The following GRIN2B variants were observed in gnomAD, a reference collection of about 807,000 sequenced individuals.
GRIN2B encodes the protein glutamate ionotropic receptor NMDA type subunit 2B.
A neutral mutation model predicts 114.5 loss-of-function variants in GRIN2B; 5 were observed. The ratio of observed to expected loss-of-function variants is 0.04; its 90% CI spans 0.02 to 0.09. The LOEUF is 0.09. Ranked by LOEUF, GRIN2B falls within the 10% of genes least tolerant of loss-of-function variation. The pLI is 1.00. For missense variants in GRIN2B, 1,108 were observed against 1,943.5 expected (o/e 0.57, Z 8.08); for synonymous variants, 787 against 745.1 (o/e 1.06, Z -0.92).
At position 13,560,139 on chromosome 12, in the gene GRIN2B, C is replaced by T. The variant is rs1032869233; in HGVS notation, c.*2644G>A. 1.3e-5 allele frequency: 2 copies of T among 152,124 alleles called. No homozygotes were observed. The highest frequency in any genetic ancestry group is 6.6e-5 in the Admixed American group (1 of 15,266). 9.4% of individuals were successfully genotyped at this position (152,124 alleles called of 1,614,324 possible). A position where few individuals can be genotyped will look rare whatever the true frequency, so the allele number is the denominator to read the frequency against. ...AAGTGCATGAACATTTCTCACAAAC[C>T]AGTAAGAAGACTGGTTTTCTGGGGG... On this transcript the variant is annotated 3_prime_UTR_variant, in exon 14 of 14. Coordinates refer to ENST00000609686, the MANE Select transcript of GRIN2B (RefSeq NM_000834.5).
At chr12:13,812,930 A>AT (rs34773248) in intron 3 of GRIN2B, among the ~76,000 whole-genome samples, 29,011 of 118,204 alleles carry the variant, frequency 0.25, 3,945 homozygotes, top group Non-Finnish European at 0.27. Context: ...AGTTTTGGGA[A>AT]TTTTTTTTTT....
intron 5 of GRIN2B, among the ~76,000 whole-genome samples, chr12:13,653,333 C>T (rs1210560646): frequency 6.6e-6 from 1 of 151,914 alleles, no homozygotes; most frequent in African/African-American, 2.4e-5. Context: ...AAAGTTAAGG[C>T]TTAAAAGAAG....
chr12:13,790,083 C>T (rs554210399), intron 3 of GRIN2B, among the ~76,000 whole-genome samples: 112 of 152,306 alleles, frequency 7.4e-4, no homozygotes, highest in Non-Finnish European at 1.8e-4. Flanking sequence ...TTCTGATCTC[C>T]CATGGAACTG....
intron 2 of GRIN2B, among the ~76,000 whole-genome samples, chr12:13,896,217 G>A (rs990676757): frequency 2.0e-5 from 3 of 152,156 alleles, no homozygotes; most frequent in African/African-American, 4.8e-5. Context: ...GAGAACAGCA[G>A]GATCACACCA....
chr12:13,674,069 C>T (rs1341076233), intron 5 of GRIN2B, among the ~76,000 whole-genome samples: 1 of 152,052 alleles, frequency 6.6e-6, no homozygotes, highest in African/African-American at 2.4e-5. Flanking sequence ...TAATCAAGAA[C>T]ATCAGGCAGG....
intron 2 of GRIN2B, among the ~76,000 whole-genome samples, chr12:13,973,441 G>A (rs1229573876): frequency 6.6e-6 from 1 of 152,178 alleles, no homozygotes; most frequent in Admixed American, 6.5e-5. Context: ...TCTTAATCTA[G>A]GAAGCTCCTC....
intron 2 of GRIN2B, among the ~76,000 whole-genome samples, chr12:13,890,755 GC>G (rs1159745678): frequency 1.3e-5 from 2 of 152,044 alleles, no homozygotes; most frequent in East Asian, 3.8e-4. Flanking sequence ...ACATGGAAGG[GC>G]CCATGAAATT....
intron 4 of GRIN2B, among the ~76,000 whole-genome samples, chr12:13,737,202 TATA>T (rs2136611643): frequency 6.6e-6 from 1 of 152,072 alleles, no homozygotes; most frequent in East Asian, 1.9e-4. Flanking sequence ...AGAAAGCTCA[TATA>T]ATATCTTTTT....
At chr12:13,910,473 G>T (rs143450023) in intron 2 of GRIN2B, among the ~76,000 whole-genome samples, 162 of 152,294 alleles carry the variant, frequency 1.1e-3, no homozygotes, top group Non-Finnish European at 1.8e-3. Flanking sequence ...TGGTTTCAAA[G>T]AAGGTGCAGC....
chr12:13,723,357 C>T (rs2136595486), intron 4 of GRIN2B, among the ~76,000 whole-genome samples: 1 of 151,734 alleles, frequency 6.6e-6, no homozygotes, highest in East Asian at 2.0e-4. Flanking sequence ...TAGAGCATTT[C>T]TTGTAGGATG....
intron 3 of GRIN2B, among the ~76,000 whole-genome samples, chr12:13,825,490 T>C (rs1325801690): frequency 3.4e-5 from 2 of 58,132 alleles, no homozygotes; most frequent in African/African-American, 5.9e-5. Flanking sequence ...TAAATATATA[T>C]ATATTTTGTG....
At chr12:13,803,986 T>C (rs185742767) in intron 3 of GRIN2B, among the ~76,000 whole-genome samples, 16 of 152,294 alleles carry the variant, frequency 1.1e-4, no homozygotes, top group Admixed American at 2.6e-4. Context: ...TCAATATGAA[T>C]TGCCACTTCA....
intron 10 of GRIN2B, among the ~76,000 whole-genome samples, chr12:13,583,842 C>G (rs1374640033): frequency 6.6e-6 from 1 of 152,040 alleles, no homozygotes; most frequent in East Asian, 1.9e-4. Flanking sequence ...ATGGAGCACA[C>G]CGAATGGTCA....
chr12:13,715,496 T>A (rs190851233), intron 4 of GRIN2B, among the ~76,000 whole-genome samples: 1 of 151,932 alleles, frequency 6.6e-6, no homozygotes, highest in Non-Finnish European at 1.5e-5. Flanking sequence ...AAAAGTAACA[T>A]GCAGTAAACA....
chr12:13,813,544 A>T (rs1864770850), intron 3 of GRIN2B, among the ~76,000 whole-genome samples: 1 of 152,202 alleles, frequency 6.6e-6, no homozygotes, highest in Non-Finnish European at 1.5e-5. Flanking sequence ...AGCTAGCATT[A>T]ATGAGCCCCT....
At chr12:13,692,788 G>A (rs1191226195) in intron 4 of GRIN2B, among the ~76,000 whole-genome samples, 3 of 26,016 alleles carry the variant, frequency 1.2e-4, no homozygotes, top group Admixed American at 3.6e-4. Context: ...TTTTTTTTGA[G>A]GCAGAGTTTT....
At chr12:13,758,796 T>C (rs1164279069) in intron 3 of GRIN2B, among the ~76,000 whole-genome samples, 3 of 152,206 alleles carry the variant, frequency 2.0e-5, no homozygotes, top group Non-Finnish European at 4.4e-5. Flanking sequence ...GCCTCCGTCA[T>C]CATACTTACA....
At chr12:13,949,061 G>T (rs1867424653) in intron 2 of GRIN2B, among the ~76,000 whole-genome samples, 1 of 152,162 alleles carries the variant, frequency 6.6e-6, no homozygotes. Context: ...AGTCCCTGCA[G>T]CAGGTGATAG....
In GRIN2B at chr12:13,537,811, C is replaced by G. The variant is rs1215519201; in HGVS notation, c.*24972G>C. 2.6e-5 allele frequency: 4 copies of G among 152,170 alleles called. No individual in the cohort carries two copies. Among genetic ancestry groups the G allele is most frequent in the Non-Finnish European group, 5.9e-5 (4 of 68,032 alleles). 9.4% of individuals were successfully genotyped at this position (152,170 alleles called of 1,614,324 possible). ...TGACTCCACTATGTAAAACTGAGAA[C>G]TACTGCTCCAGGTAACCTTTGATGG... is the stretch of plus-strand genomic sequence containing the variant. On this transcript the variant is annotated 3_prime_UTR_variant, in exon 14 of 14. Coordinates refer to ENST00000609686, the MANE Select transcript of GRIN2B (RefSeq NM_000834.5).
Sources: gnomAD v4.1 joint callset for allele counts (sites outside exome capture counted in the v4.1 genomes callset) on GRCh38, gnomAD v4.1.1 for gene constraint, MANE v1.5 for transcripts, NCBI Gene and HGNC (gene_info 2026-07-23, HGNC 2026-07-21) for gene names.